FANK1: variants seen among roughly 807,000 people sequenced by gnomAD.
FANK1 encodes the protein fibronectin type III and ankyrin repeat domains 1.
In FANK1, 44 loss-of-function variants were observed where a neutral mutation model predicts 45.3. That is an observed-to-expected ratio of 0.97 (90% CI 0.76 to 1.25). The LOEUF (loss-of-function observed/expected upper bound fraction) is 1.25. Among genes scored for constraint, FANK1 ranks in the 50% most tolerant of loss-of-function variants. The pLI is 0.00. For missense variants in FANK1, 391 were observed against 424.4 expected, an observed-to-expected ratio of 0.92 and a Z score of 0.69; for synonymous variants, 149 against 152.5, an observed-to-expected ratio of 0.98 and a Z score of 0.17.
intron 1 of FANK1, among the ~76,000 whole-genome samples, chr10:125,959,912 C>T (rs150676789): frequency 1.2e-3 from 176 of 152,216 alleles, no homozygotes; most frequent in African/African-American, 4.1e-3. Flanking sequence ...TTTGACGTAT[C>T]TGGTGGTAAG....
chr10:125,906,515 C>CAAAAAAAAAAAAAAAAAAAAAAA (rs34132526), intron 1 of FANK1, among the ~76,000 whole-genome samples: 13 of 46,418 alleles, frequency 2.8e-4, no homozygotes, highest in East Asian at 1.3e-3. Context: ...GACTCTGTCT[C>CAAAAAAAAAAAAAAAAAAAAAAA]AAAAAAAAAA....
intron 1 of FANK1, among the ~76,000 whole-genome samples, chr10:125,907,944 C>A (rs1339504690): frequency 6.6e-6 from 1 of 152,062 alleles, no homozygotes; most frequent in African/African-American, 2.4e-5. Flanking sequence ...TGAGCTGTGC[C>A]CCAATTCCTG....
At chr10:125,994,588 C>T (rs1033828097) in intron 3 of FANK1, 32 of 985,270 alleles carry the variant, frequency 3.2e-5, no homozygotes, top group Middle Eastern at 5.2e-4. Flanking sequence ...AGGTGCTATT[C>T]GAAGTGCTTC....
intron 1 of FANK1, among the ~76,000 whole-genome samples, chr10:125,955,685 T>G (rs1206598484): frequency 6.6e-6 from 1 of 152,202 alleles, no homozygotes; most frequent in East Asian, 1.9e-4. Context: ...TTTCTCAGTC[T>G]GTTCTCAAAC....
intron 1 of FANK1, among the ~76,000 whole-genome samples, chr10:125,970,599 G>GGT (rs1249656003): frequency 6.6e-6 from 1 of 152,220 alleles, no homozygotes; most frequent in African/African-American, 2.4e-5. Flanking sequence ...GATCACTCGA[G>GGT]GTCAGGAGCT....
chr10:125,948,833 C>T (rs1246082262), intron 1 of FANK1, among the ~76,000 whole-genome samples: 5 of 148,952 alleles, frequency 3.4e-5, no homozygotes, highest in Non-Finnish European at 7.5e-5. Flanking sequence ...AATTTTAGAC[C>T]AATATCCTTG....
intron 1 of FANK1, among the ~76,000 whole-genome samples, chr10:125,955,098 G>GTT (rs762356070): frequency 1.4e-5 from 2 of 143,072 alleles, no homozygotes; most frequent in African/African-American, 2.5e-5. Flanking sequence ...AATGCTCAAA[G>GTT]TTTTTTTTTT....
At chr10:125,952,796 TACATACAC>T (rs1318267589) in intron 1 of FANK1, among the ~76,000 whole-genome samples, 63 of 101,004 alleles carry the variant, frequency 6.2e-4, no homozygotes, top group Middle Eastern at 6.7e-3. Context: ...CAGCAGGAAA[TACATACAC>T]ACACACACAC....
intron 1 of FANK1, among the ~76,000 whole-genome samples, chr10:125,967,064 A>G (rs941373045): frequency 6.6e-6 from 1 of 152,222 alleles, no homozygotes; most frequent in Non-Finnish European, 1.5e-5. Flanking sequence ...CTTGTATATA[A>G]ATAATGTACC....
intron 1 of FANK1, among the ~76,000 whole-genome samples, chr10:125,916,302 C>T (rs895565814): frequency 5.3e-5 from 8 of 152,172 alleles, no homozygotes; most frequent in Admixed American, 4.6e-4. Flanking sequence ...GCTGGGATTA[C>T]AGGCATGAGC....
At chr10:125,971,726 A>G (rs751860622) in intron 1 of FANK1, among the ~76,000 whole-genome samples, 5 of 152,008 alleles carry the variant, frequency 3.3e-5, no homozygotes, top group Non-Finnish European at 5.9e-5. Context: ...GGTTCACGCC[A>G]TTCTCCTGCC....
At position 126,009,523 on chromosome 10, in the gene FANK1, G is replaced by A. The variant is rs904342107; in HGVS notation, c.*85G>A. The stretch of plus-strand genomic sequence containing the variant: ...TAGGGATGGGAAATTCTGCATCTTG[G>A]GGGGCTGTACATTTATTTATTTAGT... On this transcript the variant is annotated 3_prime_UTR_variant, in exon 11 of 11. Transcript: ENST00000368693. 2.1e-6 allele frequency: 3 copies of A among 1,409,080 alleles called. No homozygotes were observed. The highest frequency in any genetic ancestry group is 3.0e-6 in the Non-Finnish European group (3 of 1,012,344). The allele number at this position is 1,409,080 out of a possible 1,614,324, so 87.3% of individuals were successfully genotyped here.
At chr10:126,005,807 A>T (rs1477579796) in intron 7 of FANK1, among the ~76,000 whole-genome samples, 1 of 152,230 alleles carries the variant, frequency 6.6e-6, no homozygotes, top group African/African-American at 2.4e-5. Context: ...AAGATTAGTC[A>T]TTACAAAAAA....
intron 1 of FANK1, among the ~76,000 whole-genome samples, chr10:125,953,102 C>T (rs1220053334): frequency 6.6e-6 from 1 of 152,224 alleles, no homozygotes; most frequent in Non-Finnish European, 1.5e-5. Flanking sequence ...GCCCCAGCCT[C>T]AGAGTTTGGG....
intron 1 of FANK1, among the ~76,000 whole-genome samples, chr10:125,939,865 C>G (rs1948332311): frequency 6.6e-6 from 1 of 151,764 alleles, no homozygotes; most frequent in Non-Finnish European, 1.5e-5. Context: ...GTAGCAGAAC[C>G]TAGAAGCATT....
At chr10:125,927,248 G>A (rs10901470) in intron 1 of FANK1, among the ~76,000 whole-genome samples, 52,337 of 149,020 alleles carry the variant, frequency 0.35, 8,514 homozygotes, top group Non-Finnish European at 0.42. Context: ...GCTGGGACAG[G>A]AGGCACACAT....
intron 1 of FANK1, among the ~76,000 whole-genome samples, chr10:125,921,251 G>A (rs1231283608): frequency 6.6e-6 from 1 of 152,092 alleles, no homozygotes; most frequent in Non-Finnish European, 1.5e-5. Context: ...GGCAATCACT[G>A]ATCTGTGTTC....
chr10:125,919,195 A>ATTTTTTTTTTGTTTTTTTTT (rs1946740808), intron 1 of FANK1, among the ~76,000 whole-genome samples: 1 of 51,862 alleles, frequency 1.9e-5, no homozygotes, highest in Non-Finnish European at 3.4e-5. Context: ...GGAGGTAAGA[A>ATTTTTTTTTTGTTTTTTTTT]TTTTTTTTTT....
At chr10:125,948,699 A>AC (rs1283840309) in intron 1 of FANK1, among the ~76,000 whole-genome samples, 1 of 152,212 alleles carries the variant, frequency 6.6e-6, no homozygotes, top group Non-Finnish European at 1.5e-5. Flanking sequence ...GAGGAACTGA[A>AC]CTGGTACCAT....
Sources: allele counts gnomAD v4.1 joint callset (sites outside exome capture counted in the v4.1 genomes callset), GRCh38; gene constraint gnomAD v4.1.1; transcripts MANE v1.5; gene names NCBI Gene and HGNC (gene_info 2026-07-23, HGNC 2026-07-21).